HS6ST2: variants seen among roughly 807,000 people sequenced by gnomAD.
HS6ST2 encodes the protein heparan-sulfate 6-O-sulfotransferase 2.
Under a neutral mutation model 33.0 loss-of-function variants are expected in HS6ST2, and 17 were observed. That is an observed-to-expected ratio of 0.52 (90% CI 0.35 to 0.77). The LOEUF (loss-of-function observed/expected upper bound fraction) is 0.77. Ranked by LOEUF, HS6ST2 falls within the 30% of genes least tolerant of loss-of-function variation. The pLI, the probability that HS6ST2 is intolerant of heterozygous loss-of-function variation, is 0.01. For missense variants in HS6ST2, 519 were observed against 551.7 expected, an observed-to-expected ratio of 0.94 and a Z score of 0.59; for synonymous variants, 248 against 237.1, an observed-to-expected ratio of 1.05 and a Z score of -0.42.
Position 132,958,375 on chromosome X carries a change from A to G in HS6ST2, c.228T>C (p.Ser76=), listed in dbSNP as rs1354789370. The part of the protein sequence containing the change: ...PLLDKPRKAS[S]SLAGAACAPL... ...GGGCGCACGCGGCTCCCGCCAGGGA[A>G]GAAGACGCCTTTCGGGGCTTGTCCA... Residue 76 remains serine (S), a synonymous_variant, in exon 1 of 5, where the codon TCT becomes TCC. Coordinates refer to ENST00000370833, the MANE Select transcript of HS6ST2 (RefSeq NM_001394073.1). The G allele has an allele frequency of 8.3e-7, 1 of 1,198,305 alleles. No homozygotes were observed. Among genetic ancestry groups the G allele is most frequent in the African/African-American group, 1.7e-5 (1 of 57,476 alleles).
rs150292995 is a variant in HS6ST2 at position 132,817,181 on chromosome X, C to T, written c.948-108687G>A. Among the ~76,000 whole-genome samples, 20 of 111,533 alleles carry T rather than the reference C, an allele frequency of 1.8e-4. 1 individual carries two copies. Among genetic ancestry groups the T allele is most frequent in the African/African-American group, 6.2e-4 (19 of 30,727 alleles). On this transcript the variant is annotated intron_variant, in intron 2 of 4. Coordinates refer to ENST00000370833, the MANE Select transcript of HS6ST2 (RefSeq NM_001394073.1). ...GTTGAACAGGATTCGCATCTCCCCC[C>T]ACCTTCCCCTCAATAAGCTTGGCAT...
rs2064697733 is a variant in HS6ST2, at chrX:132,750,710, A to G, written c.948-42216T>C. Among the ~76,000 whole-genome samples, 3 of 112,186 alleles carry G rather than the reference A, an allele frequency of 2.7e-5. No homozygotes were observed. The South Asian group carries it at 1.1e-3, about 42-fold the overall frequency. ...GGATACTGCAATTTAACAAATACCC[A>G]GGAAATTCCCCTGTCTCTAAATCCC... On this transcript the variant is annotated intron_variant, in intron 2 of 4. Transcript: ENST00000370833.
At chrX:132,945,994 T>G (rs1206065380) in intron 2 of HS6ST2, among the ~76,000 whole-genome samples, 2 of 111,214 alleles carry the variant, frequency 1.8e-5, no homozygotes, top group Non-Finnish European at 3.8e-5. Context: ...GCACTTAAAG[T>G]GTAATAATTA....
chrX:132,949,912 C>T (rs770015709), intron 2 of HS6ST2, among the ~76,000 whole-genome samples: 1 of 110,847 alleles, frequency 9.0e-6, no homozygotes, highest in East Asian at 2.8e-4. Flanking sequence ...GTACTGGGTC[C>T]ATAATTTTCT....
chrX:132,958,947 GCA>G (rs1244829775), upstream of HS6ST2: 1 of 216,499 alleles, frequency 4.6e-6, no homozygotes, highest in Non-Finnish European at 8.3e-6. Context: ...CTTTTTTAGA[GCA>G]CAGACTGTCT....
At chrX:132,761,935 T>C (rs1037451309) in intron 2 of HS6ST2, among the ~76,000 whole-genome samples, 1 of 112,189 alleles carries the variant, frequency 8.9e-6, no homozygotes, top group Non-Finnish European at 1.9e-5. Context: ...GGGGTAATTA[T>C]ATGCATACAT....
At chrX:132,687,163 C>T (rs762728786) in intron 3 of HS6ST2, among the ~76,000 whole-genome samples, 3 of 111,440 alleles carry the variant, frequency 2.7e-5, no homozygotes, top group African/African-American at 9.8e-5. Flanking sequence ...TTTGCCATGC[C>T]GCCTGTATGT....
At chrX:132,809,007 T>C (rs1409699388) in intron 2 of HS6ST2, among the ~76,000 whole-genome samples, 1 of 112,167 alleles carries the variant, frequency 8.9e-6, no homozygotes, top group African/African-American at 3.2e-5. Context: ...TTTTTTGAGA[T>C]GGAGTCTCAC....
At chrX:132,749,024 T>C (rs996507171) in intron 2 of HS6ST2, among the ~76,000 whole-genome samples, 2 of 111,663 alleles carry the variant, frequency 1.8e-5, no homozygotes, top group Non-Finnish European at 3.8e-5. Flanking sequence ...GGCAAATGCA[T>C]GCATGCCATT....
At chrX:132,801,793 T>C (rs1171676005) in intron 2 of HS6ST2, among the ~76,000 whole-genome samples, 1 of 112,406 alleles carries the variant, frequency 8.9e-6, no homozygotes, top group Non-Finnish European at 1.9e-5. Context: ...GAACAAAGGA[T>C]GGTTTTAGGA....
intron 2 of HS6ST2, among the ~76,000 whole-genome samples, chrX:132,818,189 T>C (rs953917163): frequency 9.0e-6 from 1 of 111,197 alleles, no homozygotes; most frequent in Non-Finnish European, 1.9e-5. Flanking sequence ...ATAGTTGTAC[T>C]GTGTGACACT....
chrX:132,778,373 C>T (rs765681735), intron 2 of HS6ST2, among the ~76,000 whole-genome samples: 5 of 110,927 alleles, frequency 4.5e-5, no homozygotes, highest in Non-Finnish European at 9.4e-5. Flanking sequence ...GAGCAAAAAA[C>T]GTTGTTTTGT....
At chrX:132,786,377 G>C (rs1170240147) in intron 2 of HS6ST2, among the ~76,000 whole-genome samples, 4 of 111,056 alleles carry the variant, frequency 3.6e-5, no homozygotes, top group Non-Finnish European at 5.7e-5. Flanking sequence ...ATTGGGGAAT[G>C]AATCATTCTG....
intron 2 of HS6ST2, among the ~76,000 whole-genome samples, chrX:132,916,608 GGAA>G (rs1261165930): frequency 1.8e-5 from 2 of 112,107 alleles, no homozygotes; most frequent in Non-Finnish European, 3.8e-5. Context: ...GAACAAAGCA[GGAA>G]GAAGAAGGTG....
chrX:132,879,421 G>A (rs966724267), intron 2 of HS6ST2, among the ~76,000 whole-genome samples: 1 of 102,159 alleles, frequency 9.8e-6, no homozygotes, highest in Non-Finnish European at 2.0e-5. Flanking sequence ...TAGAAAGTGT[G>A]GCTACATCTC....
At chrX:132,799,988 A>T (rs2065219512) in intron 2 of HS6ST2, among the ~76,000 whole-genome samples, 1 of 112,083 alleles carries the variant, frequency 8.9e-6, no homozygotes, top group Non-Finnish European at 1.9e-5. Context: ...TGAACAATAA[A>T]GTTGAAGGTG....
intron 4 of HS6ST2, among the ~76,000 whole-genome samples, chrX:132,632,621 AG>A (rs1246356953): frequency 9.1e-6 from 1 of 110,308 alleles, no homozygotes; most frequent in African/African-American, 3.3e-5. Context: ...GGATACAGAC[AG>A]GGATAAGACA....
At chrX:132,785,229 C>T (rs1479489433) in intron 2 of HS6ST2, among the ~76,000 whole-genome samples, 10 of 111,985 alleles carry the variant, frequency 8.9e-5, no homozygotes, top group Non-Finnish European at 1.9e-4. Flanking sequence ...AACGTTTTAT[C>T]AAAGTCAAGT....
rs2063494569 is a variant in HS6ST2 at position 132,628,491 on chromosome X, T to C, written c.1670A>G (p.Gln557Arg). The C allele has an allele frequency of 8.3e-7, 1 of 1,211,291 alleles. No individual in the cohort carries two copies. Among genetic ancestry groups the C allele is most frequent in the African/African-American group, 1.7e-5 (1 of 57,665 alleles). ...HQEARRKRQE[Q>R]RKFLKGRLLQ... is the part of the protein sequence containing the mutation. ...GAGCCTTCCCTTCAGAAATTTGCGT[T>C]GTTCCTGACGCTTTCGCCTGGCCTC... Residue 557 changes from glutamine (Q) to arginine (R), a missense_variant, in exon 5 of 5, where the codon CAA becomes CGA. Physicochemically the swap from Gln to Arg is conservative, Grantham distance 43. Transcript: ENST00000370833.
Sources: allele counts gnomAD v4.1 joint callset (sites outside exome capture counted in the v4.1 genomes callset), GRCh38; gene constraint gnomAD v4.1.1; transcripts MANE v1.5; gene names NCBI Gene and HGNC (gene_info 2026-07-23, HGNC 2026-07-21).